EPS8: variants seen among roughly 807,000 people sequenced by gnomAD.
EPS8 encodes epidermal growth factor receptor kinase substrate 8.
A neutral mutation model predicts 103.8 loss-of-function variants in EPS8; 42 were observed. The observed-to-expected ratio is 0.40, with a 90% CI of 0.32 to 0.52. The LOEUF (loss-of-function observed/expected upper bound fraction) is 0.52, where lower values mean the gene tolerates loss of function less well. EPS8 is among the 20% of genes least tolerant of loss of function. The probability of loss-of-function intolerance (pLI) is 0.40; values close to 1 mark genes in which losing one functional copy is unlikely to be tolerated. For missense variants in EPS8, 969 were observed against 1,005.1 expected, an observed-to-expected ratio of 0.96 and a Z score of 0.49; for synonymous variants, 344 against 344.6, an observed-to-expected ratio of 1.00 and a Z score of 0.02.
intron 1 of EPS8, among the ~76,000 whole-genome samples, chr12:15,770,280 C>A (rs1228767857): frequency 2.7e-5 from 2 of 75,274 alleles, no homozygotes; most frequent in Non-Finnish European, 6.0e-5. Context: ...CAGAGCGAGA[C>A]CCTGTCTCAA....
Position 15,733,423 on chromosome 12 carries a change from A to G in EPS8, c.-21-50451T>C, listed in dbSNP as rs1333740028. Among the ~76,000 whole-genome samples the G allele has an allele frequency of 6.6e-6, 1 of 152,186 alleles. No individual in the cohort carries two copies. The highest frequency in any genetic ancestry group is 1.5e-5 in the Non-Finnish European group (1 of 68,040). On this transcript the variant is annotated intron_variant, in intron 1 of 20. Coordinates refer to ENST00000281172, the MANE Select transcript of EPS8 (RefSeq NM_004447.6). The surrounding 1 kb of genome is among the most constrained non-coding windows in gnomAD (Gnocchi z 4.8). Reference sequence around the variant, plus strand: ...CACCTCCCACCAGCTCCCTCCCTCAACACATGGGGATTCTGGGGATTATAA... The same window carrying G: ...CACCTCCCACCAGCTCCCTCCCTCAGCACATGGGGATTCTGGGGATTATAA...
intron 1 of EPS8, among the ~76,000 whole-genome samples, chr12:15,768,371 G>A (rs866314574): frequency 1.2e-4 from 16 of 138,808 alleles, no homozygotes; most frequent in African/African-American, 4.3e-4. Context: ...CCAAGAGGCA[G>A]AGGTTGCAGT....
At chr12:15,643,090 C>T (rs1484014906) in intron 15 of EPS8, among the ~76,000 whole-genome samples, 9 of 152,208 alleles carry the variant, frequency 5.9e-5, no homozygotes, top group Middle Eastern at 3.4e-3. Flanking sequence ...AATAGCTCTG[C>T]TTTCATTTAC....
intron 15 of EPS8, among the ~76,000 whole-genome samples, chr12:15,643,924 T>C (rs59066315): frequency 0.08 from 12,178 of 152,162 alleles, 1,097 homozygotes; most frequent in African/African-American, 0.23. Flanking sequence ...AGCAGTAAGC[T>C]ATAAAACTCG....
chr12:15,682,917 A>C lies in EPS8; in HGVS notation c.35T>G (p.Phe12Cys). ...CTTCATCTGAGATGGGTACATTCCA[A>C]AACTACTGGGATGATTAGAAATATG... ...NGHISNHPSS[F>C]GMYPSQMNGY... The change falls in exon 2 of 21, where the codon TTT (phenylalanine) becomes TGT (cysteine). Residue 12 changes from phenylalanine (F) to cysteine (C), a missense_variant. By Grantham distance (205) the Phe-to-Cys change is radical (BLOSUM62 -2). Transcript: ENST00000281172. 6.3e-7 allele frequency: 1 copy of C among 1,584,950 alleles called. No individual in the cohort carries two copies. The highest frequency in any genetic ancestry group is 1.1e-5 in the South Asian group (1 of 87,842).
chr12:15,766,496 C>CAA lies in EPS8; in HGVS notation c.-22+22663_-22+22664dup, dbSNP rs57577551. 1.7e-3 allele frequency among the ~76,000 whole-genome samples: 206 copies of CAA among 121,144 alleles called. 1 individual carries two copies. The highest frequency in any genetic ancestry group is 5.9e-3 in the African/African-American group (196 of 33,166). 79.5% of individuals were successfully genotyped at this position (121,144 alleles called of 152,430 possible). A position where few individuals can be genotyped will look rare whatever the true frequency, so the allele number is the denominator to read the frequency against. On this transcript the variant is annotated intron_variant, in intron 1 of 20. Transcript: ENST00000281172. The stretch of plus-strand genomic sequence containing the variant: ...CTGGTGACAGAGCGAGACTCCATCT[C>CAA]AAAAAAAAAAAAAAATACAAAATAT...
At position 15,665,875 on chromosome 12, in the gene EPS8, T is replaced by C. The variant is rs1172113483; in HGVS notation, c.617A>G (p.Asp206Gly). The C allele has an allele frequency of 6.2e-7, 1 of 1,613,724 alleles. No individual in the cohort carries two copies. The highest frequency in any genetic ancestry group is 1.7e-5 in the Admixed American group (1 of 59,930). Reference sequence around the variant, plus strand: ...TCTGGGTGGAGGCGGTATACTAGGGTCTGCATTGGAAATCATCCTTAAAAA... The same window carrying C: ...TCTGGGTGGAGGCGGTATACTAGGGCCTGCATTGGAAATCATCCTTAAAAA... Reference protein sequence around the residue: ...PDALRMISNADPSIPPPPRAP... With the variant: ...PDALRMISNAGPSIPPPPRAP... The change falls in exon 8 of 21, where the codon GAC (aspartate) becomes GGC (glycine). Residue 206 changes from aspartate to glycine, a missense_variant. Transcript: ENST00000281172.
Position 15,725,382 on chromosome 12 carries a change from G to A in EPS8, c.-21-42410C>T, listed in dbSNP as rs779877336. ...AGCTACTTGGGAGGCCGAGGCAGGA[G>A]GATCACTTGAGCAGAAGAATTGAAC... On this transcript the variant is annotated intron_variant, in intron 1 of 20. Coordinates refer to ENST00000281172, the MANE Select transcript of EPS8 (RefSeq NM_004447.6). The surrounding 1 kb of genome is among the most constrained non-coding windows in gnomAD (Gnocchi z 4.5). Among the ~76,000 whole-genome samples the A allele has an allele frequency of 2.6e-4, 40 of 151,402 alleles. 1 individual carries two copies. Among genetic ancestry groups the A allele is most frequent in the Non-Finnish European group, 4.4e-4 (30 of 67,958 alleles).
At chr12:15,632,982 G>T (rs1443366954) in intron 17 of EPS8, among the ~76,000 whole-genome samples, 1 of 152,100 alleles carries the variant, frequency 6.6e-6, no homozygotes, top group African/African-American at 2.4e-5. Context: ...TCTGAAAGGA[G>T]TGTTTATAAT....
Position 15,727,357 on chromosome 12 carries a change from T to C in EPS8, c.-21-44385A>G, listed in dbSNP as rs1289056100. On this transcript the variant is annotated intron_variant, in intron 1 of 20. Coordinates refer to ENST00000281172, the MANE Select transcript of EPS8 (RefSeq NM_004447.6). The surrounding 1 kb of genome is among the most constrained non-coding windows in gnomAD (Gnocchi z 4.3). ...TTGGCATATAGTATATATTTCTAAA[T>C]CAACAACTCATTTTATCATCCCAAA... is the stretch of plus-strand genomic sequence containing the variant. Among the ~76,000 whole-genome samples, 1 of 152,340 alleles carries C rather than the reference T, an allele frequency of 6.6e-6. No individual in the cohort carries two copies. Among genetic ancestry groups the C allele is most frequent in the African/African-American group, 2.4e-5 (1 of 41,586 alleles).
intron 10 of EPS8, among the ~76,000 whole-genome samples, chr12:15,659,242 T>C (rs1222788262): frequency 6.6e-6 from 1 of 152,086 alleles, no homozygotes; most frequent in Non-Finnish European, 1.5e-5. Flanking sequence ...AACATGGAAC[T>C]AGCGTGCTTT....
chr12:15,712,061 A>C (rs1207444121), intron 1 of EPS8, among the ~76,000 whole-genome samples: 1 of 152,218 alleles, frequency 6.6e-6, no homozygotes, highest in East Asian at 1.9e-4. Context: ...AATGTAATAA[A>C]TCAATAAGAA....
chr12:15,703,847 GTTTTTTT>G (rs58735135), intron 1 of EPS8, among the ~76,000 whole-genome samples: 13 of 61,234 alleles, frequency 2.1e-4, no homozygotes, highest in East Asian at 1.6e-3. Flanking sequence ...CTATGTATTT[GTTTTTTT>G]TTTTTTTTTT....
chr12:15,734,319 AAAC>A lies in EPS8; in HGVS notation c.-21-51350_-21-51348del, dbSNP rs1946746382. Among the ~76,000 whole-genome samples the A allele has an allele frequency of 1.3e-5, 2 of 152,230 alleles. No homozygotes were observed. The highest frequency in any genetic ancestry group is 4.8e-5 in the African/African-American group (2 of 41,542). On this transcript the variant is annotated intron_variant, in intron 1 of 20. Transcript: ENST00000281172. This position sits in a 1 kb window ranked among gnomAD's most constrained non-coding sequence, Gnocchi z 4.1. ...TCTATTTGTTTGCCAGTTTATTCAGAAACAACATATAAGATGGCCCTGTTTTAC... is the reference window on the plus strand; with the variant it reads ...TCTATTTGTTTGCCAGTTTATTCAGAAACATATAAGATGGCCCTGTTTTAC...
chr12:15,712,030 A>C (rs535031843), intron 1 of EPS8, among the ~76,000 whole-genome samples: 1 of 152,188 alleles, frequency 6.6e-6, no homozygotes, highest in Non-Finnish European at 1.5e-5. Flanking sequence ...ATAACAAAAA[A>C]GTTCCTTCTG....
intron 1 of EPS8, among the ~76,000 whole-genome samples, chr12:15,720,595 G>GA (rs1215413556): frequency 1.3e-5 from 2 of 152,196 alleles, no homozygotes; most frequent in Non-Finnish European, 2.9e-5. Flanking sequence ...AACAAATGGG[G>GA]TGTTCCTTAA....
At position 15,714,134 on chromosome 12, in the gene EPS8, ATTTAG is replaced by A. The variant is rs1946501822; in HGVS notation, c.-21-31167_-21-31163del. ...ATCCCCAATGAAGATGAGCTTATAAATTTAGAGATTACAAAATATGGAGAAAATGA... is the reference window on the plus strand; with the variant it reads ...ATCCCCAATGAAGATGAGCTTATAAAAGATTACAAAATATGGAGAAAATGA... On this transcript the variant is annotated intron_variant, in intron 1 of 20. Transcript: ENST00000281172. The surrounding 1 kb of genome is among the most constrained non-coding windows in gnomAD (Gnocchi z 4.1). Among the ~76,000 whole-genome samples the A allele has an allele frequency of 6.6e-6, 1 of 152,154 alleles. No individual in the cohort carries two copies.
intron 8 of EPS8, 137 bp downstream of exon 8, chr12:15,665,619 C>T: frequency 9.6e-7 from 1 of 1,038,936 alleles, no homozygotes. Flanking sequence ...GCATGAGCCA[C>T]TGCGCCCGGC....
intron 1 of EPS8, among the ~76,000 whole-genome samples, chr12:15,783,096 T>A (rs1821251791): frequency 6.6e-6 from 1 of 152,178 alleles, no homozygotes; most frequent in Non-Finnish European, 1.5e-5. Context: ...GCTTGGTATG[T>A]ACCATAGATT....
Sources: gnomAD v4.1 joint callset for allele counts (sites outside exome capture counted in the v4.1 genomes callset) on GRCh38, gnomAD v4.1.1 for gene constraint, Gnocchi (gnomAD v3.1) non-coding constraint, MANE v1.5 for transcripts, NCBI Gene and HGNC (gene_info 2026-07-23, HGNC 2026-07-21) for gene names.